The following CTDSPL2 variants were observed in gnomAD, a reference collection of about 807,000 sequenced individuals.
The protein encoded by CTDSPL2 is CTD small phosphatase-like protein 2.
Under a neutral mutation model 60.0 loss-of-function variants are expected in CTDSPL2, and 5 were observed. The ratio of observed to expected loss-of-function variants is 0.08; its 90% confidence interval spans 0.04 to 0.18. The LOEUF (loss-of-function observed/expected upper bound fraction) is 0.18. CTDSPL2 is among the 10% of genes least tolerant of loss of function. CTDSPL2 has a pLI of 1.00. For missense variants in CTDSPL2, 370 were observed against 548.8 expected, an observed-to-expected ratio of 0.67 and a Z score of 3.26; for synonymous variants, 186 against 189.3, an observed-to-expected ratio of 0.98 and a Z score of 0.14.
At chr15:44,513,340 A>C (rs940247675) in intron 8 of CTDSPL2, among the ~76,000 whole-genome samples, 3 of 146,254 alleles carry the variant, frequency 2.1e-5, no homozygotes, top group Non-Finnish European at 4.5e-5. Flanking sequence ...GGTGATGAGC[A>C]CCTGTAATCC....
chr15:44,490,814 C>T lies in CTDSPL2; in HGVS notation c.506C>T (p.Ala169Val). 1 of 1,613,102 alleles carries T rather than the reference C, an allele frequency of 6.2e-7. No individual in the cohort carries two copies. The highest frequency in any genetic ancestry group is 8.5e-7 in the Non-Finnish European group (1 of 1,179,960). ...TCAGGATCAGATTCTCCAGGACAGG[C>T]TGTGGAAGCTGAAGAAATAGTAAAA... ...GTSGSDSPGQ[A>V]VEAEEIVKQL... The change falls in exon 5 of 13, where the codon GCT (alanine) becomes GTT (valine). Residue 169 changes from alanine to valine, a missense_variant. Coordinates refer to ENST00000260327, the MANE Select transcript of CTDSPL2 (RefSeq NM_016396.3).
chr15:44,457,912 C>T (rs1216007873), intron 1 of CTDSPL2, among the ~76,000 whole-genome samples: 2 of 152,114 alleles, frequency 1.3e-5, no homozygotes, highest in Non-Finnish European at 2.9e-5. Context: ...GCGTGCCCAG[C>T]CTGTAGTTTC....
Position 44,527,020 on chromosome 15 carries a change from T to C in CTDSPL2, c.*2846T>C, listed in dbSNP as rs2081886572. 1.3e-5 allele frequency: 2 copies of C among 152,598 alleles called. No individual in the cohort carries two copies. The highest frequency in any genetic ancestry group is 2.1e-4 in the South Asian group (1 of 4,832). The allele number at this position is 152,598 out of a possible 1,614,324, so 9.5% of individuals were successfully genotyped here. ...AGTTGTTTTTTAATTCCATGTAATA[T>C]ATGTAGCCCTCATCAGATTTATATC... On this transcript the variant is annotated 3_prime_UTR_variant, in exon 13 of 13. Transcript: ENST00000260327.
intron 1 of CTDSPL2, among the ~76,000 whole-genome samples, chr15:44,444,437 CA>C (rs2141292375): frequency 6.6e-6 from 1 of 151,970 alleles, no homozygotes; most frequent in East Asian, 1.9e-4. Flanking sequence ...CTCTGCCTCC[CA>C]GGCTCAAGTG....
chr15:44,508,386 A>G (rs2081508029), intron 8 of CTDSPL2, among the ~76,000 whole-genome samples: 1 of 151,968 alleles, frequency 6.6e-6, no homozygotes. Flanking sequence ...TTGAGCCACC[A>G]CACCTGGCTG....
intron 5 of CTDSPL2, among the ~76,000 whole-genome samples, chr15:44,495,170 A>G (rs991143426): frequency 1.3e-5 from 2 of 152,014 alleles, no homozygotes; most frequent in African/African-American, 2.4e-5. Flanking sequence ...GGGTTTCTCC[A>G]TGTTTGTCAG....
intron 2 of CTDSPL2, among the ~76,000 whole-genome samples, chr15:44,468,880 C>G (rs1329178780): frequency 1.3e-5 from 2 of 152,128 alleles, no homozygotes; most frequent in African/African-American, 2.4e-5. Flanking sequence ...TCATCCTGCT[C>G]CATCACAACT....
chr15:44,496,498 G>A, intron 6 of CTDSPL2, 40 bp downstream of exon 6: 1 of 1,459,066 alleles, frequency 6.9e-7, no homozygotes, highest in Middle Eastern at 1.7e-4. Flanking sequence ...CCTTTTTGGA[G>A]CATGATGAGA....
intron 2 of CTDSPL2, chr15:44,470,432 T>G (rs967625738): frequency 1.3e-5 from 2 of 152,008 alleles, no homozygotes; most frequent in Non-Finnish European, 2.9e-5. Flanking sequence ...AACCTGTGTG[T>G]ATATATTTAC....
intron 1 of CTDSPL2, among the ~76,000 whole-genome samples, chr15:44,431,028 G>C (rs1287495320): frequency 1.3e-5 from 2 of 151,766 alleles, no homozygotes; most frequent in African/African-American, 4.8e-5. Flanking sequence ...CTCTATGTTG[G>C]CCAGGCTGGT....
chr15:44,515,796 C>G (rs899625608), intron 10 of CTDSPL2, among the ~76,000 whole-genome samples: 2 of 152,036 alleles, frequency 1.3e-5, no homozygotes, highest in Non-Finnish European at 2.9e-5. Flanking sequence ...TCGCTTGAAC[C>G]CGGAAGGCGG....
chr15:44,523,992 A>G (rs575937562), intron 12 of CTDSPL2, 117 bp from the exon 13 acceptor site: 2 of 757,420 alleles, frequency 2.6e-6, no homozygotes, highest in East Asian at 5.3e-5. Context: ...TTTGGCAAAT[A>G]AAATATGTCA....
At chr15:44,461,572 C>G (rs1382350675) in intron 2 of CTDSPL2, among the ~76,000 whole-genome samples, 3 of 148,040 alleles carry the variant, frequency 2.0e-5, no homozygotes, top group African/African-American at 7.5e-5. Flanking sequence ...AGTTTCTCTC[C>G]CTTTTTTTTT....
intron 1 of CTDSPL2, among the ~76,000 whole-genome samples, chr15:44,443,338 T>C (rs2080131508): frequency 6.6e-6 from 1 of 152,226 alleles, no homozygotes; most frequent in Admixed American, 6.5e-5. Context: ...ATCCACCTTT[T>C]AGCTATTGTG....
At chr15:44,451,252 C>T (rs2080329515) in intron 1 of CTDSPL2, among the ~76,000 whole-genome samples, 2 of 151,930 alleles carry the variant, frequency 1.3e-5, no homozygotes, top group Admixed American at 1.3e-4. Context: ...AGGTGTGCAC[C>T]ACCATGCCCA....
intron 2 of CTDSPL2, among the ~76,000 whole-genome samples, chr15:44,462,330 G>C (rs2080587969): frequency 6.6e-6 from 1 of 152,108 alleles, no homozygotes; most frequent in Non-Finnish European, 1.5e-5. Flanking sequence ...ATGTCAACTG[G>C]AACAGCAGTC....
chr15:44,526,548 G>C lies in CTDSPL2; in HGVS notation c.*2374G>C, dbSNP rs1378015877. The C allele has an allele frequency of 6.6e-6, 1 of 152,096 alleles. No homozygotes were observed. The highest frequency in any genetic ancestry group is 2.4e-5 in the African/African-American group (1 of 41,436). 9.4% of individuals were successfully genotyped at this position (152,096 alleles called of 1,614,324 possible). A position where few individuals can be genotyped will look rare whatever the true frequency, so the allele number is the denominator to read the frequency against. On this transcript the variant is annotated 3_prime_UTR_variant, in exon 13 of 13. Transcript: ENST00000260327. ...ACTAAGAAAATTTTTTATGGCTTGA[G>C]AAAATTCCTTGAGGCCAAATTAATA...
intron 1 of CTDSPL2, among the ~76,000 whole-genome samples, chr15:44,431,729 T>A (rs1392729105): frequency 6.6e-6 from 1 of 150,552 alleles, no homozygotes; most frequent in Non-Finnish European, 1.5e-5. Flanking sequence ...TTTTTTTTTT[T>A]TTTTTTGAGA....
Position 44,528,597 on chromosome 15 carries a change from T to C in CTDSPL2, c.*4423T>C, listed in dbSNP as rs1426767604. On this transcript the variant is annotated 3_prime_UTR_variant, in exon 13 of 13. Coordinates refer to ENST00000260327, the MANE Select transcript of CTDSPL2 (RefSeq NM_016396.3). ...TAAAGAAGATTAAGGCTACTGCTCA[T>C]TATCATTTTTGTCTTTCATATTTTT... 1 of 151,996 alleles carries C rather than the reference T, an allele frequency of 6.6e-6. No homozygotes were observed. The highest frequency in any genetic ancestry group is 1.5e-5 in the Non-Finnish European group (1 of 68,004). The allele number at this position is 151,996 out of a possible 1,614,324, so 9.4% of individuals were successfully genotyped here.
Sources: gnomAD v4.1 joint callset for allele counts (sites outside exome capture counted in the v4.1 genomes callset) on GRCh38, gnomAD v4.1.1 for gene constraint, MANE v1.5 for transcripts, NCBI Gene and HGNC (gene_info 2026-07-23, HGNC 2026-07-21) for gene names.